Variants in CRYBG1 observed in about 807,000 individuals in gnomAD.
CRYBG1 encodes crystallin beta-gamma domain containing 1, also known as beta/gamma crystallin domain-containing protein 1.
In CRYBG1, 139 loss-of-function variants were observed where a neutral mutation model predicts 189.2. The ratio of observed to expected loss-of-function variants is 0.73; its 90% CI spans 0.64 to 0.85. CRYBG1 has a LOEUF of 0.85. Ranked by LOEUF, CRYBG1 falls within the 40% of genes least tolerant of loss-of-function variation. The probability of loss-of-function intolerance (pLI) is 0.00; values close to 1 mark genes in which losing one functional copy is unlikely to be tolerated. For missense variants in CRYBG1, 2,611 were observed against 2,675.8 expected (o/e 0.98, Z 0.53); for synonymous variants, 1,023 against 1,017.1 (o/e 1.01, Z -0.11).
intron 2 of CRYBG1, among the ~76,000 whole-genome samples, chr6:106,486,862 G>C (rs1772601136): frequency 6.6e-6 from 1 of 152,012 alleles, no homozygotes; most frequent in South Asian, 2.1e-4. Flanking sequence ...TATCCATTCA[G>C]TCACTCTATA....
intron 2 of CRYBG1, among the ~76,000 whole-genome samples, chr6:106,502,114 C>T (rs1193677580): frequency 6.6e-6 from 1 of 152,126 alleles, no homozygotes; most frequent in Admixed American, 6.5e-5. Context: ...CTCCAAGGGC[C>T]GCTTCACCCT....
intron 2 of CRYBG1, among the ~76,000 whole-genome samples, chr6:106,490,931 C>G (rs112217144): frequency 3.9e-5 from 6 of 152,262 alleles, no homozygotes; most frequent in Non-Finnish European, 5.9e-5. Flanking sequence ...AGTATAATAT[C>G]TTGATTAAGG....
intron 1 of CRYBG1, among the ~76,000 whole-genome samples, chr6:106,384,199 C>T (rs803531): frequency 0.38 from 57,408 of 152,020 alleles, 11,122 homozygotes; most frequent in South Asian, 0.53. Context: ...TACAGAGACT[C>T]CTCTTTGACC....
At chr6:106,497,507 T>C (rs753238324) in intron 2 of CRYBG1, among the ~76,000 whole-genome samples, 7 of 152,200 alleles carry the variant, frequency 4.6e-5, no homozygotes, top group Non-Finnish European at 2.9e-5. Context: ...TGCTTCCAGC[T>C]CTTTCTGTGT....
At chr6:106,479,457 A>G (rs9373869) in intron 2 of CRYBG1, among the ~76,000 whole-genome samples, 32,277 of 152,124 alleles carry the variant, frequency 0.21, 4,565 homozygotes, top group African/African-American at 0.38. Flanking sequence ...TAGCTCATAA[A>G]ACTGGATCGT....
At chr6:106,459,034 G>C (rs1426285207) in intron 2 of CRYBG1, among the ~76,000 whole-genome samples, 1 of 152,192 alleles carries the variant, frequency 6.6e-6, no homozygotes, top group East Asian at 1.9e-4. Context: ...ATAAAAGCTA[G>C]ATATCTTATA....
intron 2 of CRYBG1, among the ~76,000 whole-genome samples, chr6:106,472,499 C>T (rs922397692): frequency 6.6e-6 from 1 of 151,208 alleles, no homozygotes; most frequent in Non-Finnish European, 1.5e-5. Context: ...AAACAGTACA[C>T]TAAACATTTT....
chr6:106,533,582 G>A (rs750250114), intron 8 of CRYBG1, among the ~76,000 whole-genome samples: 4 of 152,186 alleles, frequency 2.6e-5, no homozygotes, highest in Non-Finnish European at 4.4e-5. Context: ...GCTTAGACGT[G>A]CGATGGTGGT....
rs550516184 is a variant in CRYBG1 at position 106,512,738 on chromosome 6, C to A, written c.1621C>A (p.Pro541Thr). The change falls in exon 3 of 22, where the codon CCA (proline) becomes ACA (threonine). Residue 541 changes from proline to threonine, a missense_variant. By Grantham distance (38) the Pro-to-Thr change is conservative. This residue lies in a region of CRYBG1 where 985 missense variants were observed against 924.4 expected (regional missense o/e 1.07). Transcript: ENST00000633556. Reference protein sequence around the residue: ...SGPRAPAKESPPKRVPDPSPV... With the variant: ...SGPRAPAKESTPKRVPDPSPV... ...CCCCCGGGCTCCCGCCAAGGAGTCC[C>A]CACCCAAGAGGGTGCCCGATCCCAG... The A allele has an allele frequency of 3.6e-5, 56 of 1,568,054 alleles. No homozygotes were observed. Among genetic ancestry groups the A allele is most frequent in the Non-Finnish European group, 4.8e-5 (55 of 1,156,974 alleles).
chr6:106,402,787 G>C (rs990768691), intron 1 of CRYBG1, among the ~76,000 whole-genome samples: 1 of 152,142 alleles, frequency 6.6e-6, no homozygotes, highest in Admixed American at 6.5e-5. Context: ...TGACCACCGA[G>C]CCCTTGATCT....
In CRYBG1 at chr6:106,435,422, C is replaced by T. The variant is rs980409067; in HGVS notation, c.174-16272C>T. On this transcript the variant is annotated intron_variant, in intron 1 of 21. Transcript: ENST00000633556. ...TGATATGATGCTCCTGCCTTGGCCT[C>T]CCAAAGTTCTAGAATTACACACATG... 2.6e-5 allele frequency among the ~76,000 whole-genome samples: 4 copies of T among 152,068 alleles called. No homozygotes were observed. The South Asian group carries it at 8.3e-4, about 31-fold the overall frequency.
chr6:106,498,741 G>A (rs1772913866), intron 2 of CRYBG1, among the ~76,000 whole-genome samples: 1 of 152,094 alleles, frequency 6.6e-6, no homozygotes, highest in African/African-American at 2.4e-5. Context: ...AGGCGTGATG[G>A]TGAGCACCTG....
At chr6:106,407,426 C>T (rs1184652186) in intron 1 of CRYBG1, among the ~76,000 whole-genome samples, 1 of 152,106 alleles carries the variant, frequency 6.6e-6, no homozygotes, top group Non-Finnish European at 1.5e-5. Flanking sequence ...GACTCCCATA[C>T]AATAATAGTG....
chr6:106,535,062 T>C (rs111664137), intron 8 of CRYBG1, among the ~76,000 whole-genome samples: 23 of 152,316 alleles, frequency 1.5e-4, no homozygotes, highest in African/African-American at 5.3e-4. Context: ...ATTTGTACTG[T>C]GTAATATTTG....
chr6:106,382,729 A>G (rs1770309731), intron 1 of CRYBG1, among the ~76,000 whole-genome samples: 1 of 152,136 alleles, frequency 6.6e-6, no homozygotes, highest in African/African-American at 2.4e-5. Flanking sequence ...TTTATTTTTA[A>G]TATTTATGCC....
intron 1 of CRYBG1, among the ~76,000 whole-genome samples, chr6:106,403,647 T>A (rs1214464845): frequency 6.6e-6 from 1 of 152,262 alleles, no homozygotes; most frequent in Non-Finnish European, 1.5e-5. Flanking sequence ...AATACTTTTT[T>A]ATGAACAATG....
chr6:106,466,485 G>A (rs1270020310), intron 2 of CRYBG1, among the ~76,000 whole-genome samples: 1 of 152,162 alleles, frequency 6.6e-6, no homozygotes, highest in Non-Finnish European at 1.5e-5. Context: ...TTAATGAGGT[G>A]TCTTGGGAGT....
intron 2 of CRYBG1, among the ~76,000 whole-genome samples, chr6:106,504,925 A>G (rs928787670): frequency 1.3e-5 from 2 of 151,532 alleles, no homozygotes; most frequent in African/African-American, 2.4e-5. Context: ...AAAAGTCTTC[A>G]GAATGAATAT....
intron 1 of CRYBG1, 185 bp from the exon 2 acceptor site, chr6:106,451,509 G>A (rs1482054214): frequency 4.2e-6 from 2 of 479,156 alleles, no homozygotes; most frequent in Non-Finnish European, 7.0e-6. Context: ...AGTCATCCAG[G>A]TTTATTTATA....
Sources: gnomAD v4.1 joint callset for allele counts (sites outside exome capture counted in the v4.1 genomes callset) on GRCh38, gnomAD v4.1.1 for gene constraint, gnomAD v4.1.1 regional missense constraint, MANE v1.5 for transcripts, NCBI Gene and HGNC (gene_info 2026-07-23, HGNC 2026-07-21) for gene names.